Variants in PGM5 observed in about 807,000 individuals in gnomAD.
The protein encoded by PGM5 is phosphoglucomutase-like protein 5.
In PGM5, 23 loss-of-function variants were observed where a neutral mutation model predicts 59.2. The observed-to-expected ratio is 0.39, with a 90% CI of 0.28 to 0.55. The LOEUF is 0.55. Among genes scored for constraint, PGM5 ranks in the 20% least tolerant of loss-of-function variants. The pLI, the probability that PGM5 is intolerant of heterozygous loss-of-function variation, is 0.66. For synonymous variants in PGM5, 214 were observed against 286.0 expected (o/e 0.75, Z 2.54); for missense variants, 574 against 748.3 (o/e 0.77, Z 2.72).
chr9:68,385,019 G>A (rs1365304270), intron 3 of PGM5, among the ~76,000 whole-genome samples: 1 of 151,900 alleles, frequency 6.6e-6, no homozygotes, highest in Non-Finnish European at 1.5e-5. Context: ...CCTATACCAA[G>A]CACCGTGTTA....
chr9:68,483,741 A>G, intron 8 of PGM5, 124 bp from the exon 9 acceptor site: 1 of 744,062 alleles, frequency 1.3e-6, no homozygotes, highest in Non-Finnish European at 2.3e-6. Context: ...AGGGGAGATG[A>G]GTTGAAGGTG....
chr9:68,362,852 A>AATTTTT (rs1834604706), intron 1 of PGM5, among the ~76,000 whole-genome samples: 1 of 143,706 alleles, frequency 7.0e-6, no homozygotes, highest in African/African-American at 2.6e-5. Flanking sequence ...GATGTTTCTG[A>AATTTTT]CTTTTTCTTT....
intron 6 of PGM5, 58 bp from the exon 7 acceptor site, chr9:68,465,035 G>T: frequency 9.0e-7 from 1 of 1,106,968 alleles, no homozygotes; most frequent in South Asian, 1.3e-5. Context: ...ACTGTGCTGA[G>T]AAAAAAAAAC....
rs202237310 is a variant in PGM5, at chr9:68,401,877, CTATATA to C, written c.1043+9412_1043+9417del. Among the ~76,000 whole-genome samples the C allele has an allele frequency of 6.9e-3, 836 of 121,632 alleles. 3 individuals are homozygous for C. The highest frequency in any genetic ancestry group is 0.015 in the East Asian group (63 of 4,312). 79.8% of individuals were successfully genotyped at this position (121,632 alleles called of 152,430 possible). A position where few individuals can be genotyped will look rare whatever the true frequency, so the allele number is the denominator to read the frequency against. ...CTTGATTACAGTGGTAGTTACACAG[CTATATA>C]TATATATGTGTGTGTGTGTGTGTGT... is the stretch of plus-strand genomic sequence containing the variant. On this transcript the variant is annotated intron_variant, in intron 6 of 10. Coordinates refer to ENST00000396396, the MANE Select transcript of PGM5 (RefSeq NM_021965.4).
intron 6 of PGM5, among the ~76,000 whole-genome samples, chr9:68,410,738 T>A (rs1554681559): frequency 6.6e-6 from 1 of 152,198 alleles, no homozygotes; most frequent in East Asian, 1.9e-4. Context: ...TATGGAGTCA[T>A]GATATAGCCA....
At chr9:68,359,978 G>A (rs1395998654) in intron 1 of PGM5, among the ~76,000 whole-genome samples, 1 of 152,048 alleles carries the variant, frequency 6.6e-6, no homozygotes, top group Non-Finnish European at 1.5e-5. Context: ...CTGAGTAGCT[G>A]GGGCTATAGG....
At chr9:68,504,536 C>T (rs1199994982) in intron 10 of PGM5, among the ~76,000 whole-genome samples, 3 of 152,164 alleles carry the variant, frequency 2.0e-5, no homozygotes, top group Admixed American at 6.5e-5. Flanking sequence ...GTGTTAGTTA[C>T]GATGGCTGTT....
chr9:68,507,562 T>G (rs1824677383), intron 10 of PGM5, among the ~76,000 whole-genome samples: 1 of 150,162 alleles, frequency 6.7e-6, no homozygotes, highest in Non-Finnish European at 1.5e-5. Context: ...TGTGTCAGCC[T>G]TAAAATTTTA....
At chr9:68,467,805 A>G (rs938413114) in intron 7 of PGM5, among the ~76,000 whole-genome samples, 3 of 151,998 alleles carry the variant, frequency 2.0e-5, no homozygotes, top group Admixed American at 6.6e-5. Context: ...CTTAATGTTT[A>G]TATGAAGAGA....
At chr9:68,465,233 C>T in intron 7 of PGM5, 25 bp downstream of exon 7, 1 of 1,419,432 alleles carries the variant, frequency 7.0e-7, no homozygotes, top group Non-Finnish European at 9.9e-7. Context: ...GTTGATATTA[C>T]TGGGGAGGGC....
intron 9 of PGM5, among the ~76,000 whole-genome samples, chr9:68,484,609 A>C (rs903259229): frequency 7.2e-5 from 11 of 151,832 alleles, no homozygotes; most frequent in East Asian, 3.9e-4. Flanking sequence ...AAAAAAAAAA[A>C]CAAAAGAACA....
intron 6 of PGM5, among the ~76,000 whole-genome samples, chr9:68,409,081 A>C (rs1445711953): frequency 6.6e-6 from 1 of 152,118 alleles, no homozygotes; most frequent in African/African-American, 2.4e-5. Flanking sequence ...TTCCATATGA[A>C]CTTTAAAGTA....
rs537516099 is a variant in PGM5 at position 68,361,409 on chromosome 9, C to G, written c.261+4021C>G. Among the ~76,000 whole-genome samples, 3 of 152,354 alleles carry G rather than the reference C, an allele frequency of 2.0e-5. No homozygotes were observed. In the South Asian group the frequency reaches 6.2e-4, roughly 32 times the overall value. ...TTTTATGGTGTCATTTAACTTTTCA[C>G]TCTGTTTTTTCCTGGTTAACTGGAA... is the stretch of plus-strand genomic sequence containing the variant. On this transcript the variant is annotated intron_variant, in intron 1 of 10. Coordinates refer to ENST00000396396, the MANE Select transcript of PGM5 (RefSeq NM_021965.4).
intron 6 of PGM5, among the ~76,000 whole-genome samples, chr9:68,448,535 T>C (rs1411860987): frequency 6.6e-6 from 1 of 152,222 alleles, no homozygotes; most frequent in Non-Finnish European, 1.5e-5. Flanking sequence ...TCTTTTTCTG[T>C]GTGCAGCCAA....
chr9:68,454,181 AGGCT>A (rs1823737735), intron 6 of PGM5, among the ~76,000 whole-genome samples: 1 of 152,166 alleles, frequency 6.6e-6, no homozygotes, highest in African/African-American at 2.4e-5. Context: ...GGATTTCCAT[AGGCT>A]GGAAACATGA....
chr9:68,528,933 C>T (rs1166141376), intron 10 of PGM5, among the ~76,000 whole-genome samples: 1 of 152,192 alleles, frequency 6.6e-6, no homozygotes, highest in African/African-American at 2.4e-5. Context: ...AGTCTTCCTC[C>T]TTCTCATGTC....
chr9:68,496,089 G>A (rs543869812), intron 9 of PGM5, among the ~76,000 whole-genome samples: 2 of 151,374 alleles, frequency 1.3e-5, no homozygotes, highest in African/African-American at 4.9e-5. Flanking sequence ...TTACCTACAG[G>A]CTACATAGTG....
intron 10 of PGM5, among the ~76,000 whole-genome samples, chr9:68,500,026 G>T (rs1380687866): frequency 1.3e-5 from 2 of 152,160 alleles, no homozygotes; most frequent in East Asian, 1.9e-4. Flanking sequence ...TCACTTTAAT[G>T]TTGGGTACTT....
intron 6 of PGM5, among the ~76,000 whole-genome samples, chr9:68,448,507 G>A (rs557131783): frequency 6.6e-6 from 1 of 152,282 alleles, no homozygotes; most frequent in Admixed American, 6.5e-5. Flanking sequence ...TTCTCAGTTA[G>A]CTCAGGGGTT....
Sources: allele counts gnomAD v4.1 joint callset (sites outside exome capture counted in the v4.1 genomes callset), GRCh38; gene constraint gnomAD v4.1.1; transcripts MANE v1.5; gene names NCBI Gene and HGNC (gene_info 2026-07-23, HGNC 2026-07-21).